The following ANKS1B variants were observed in gnomAD, a reference collection of about 807,000 sequenced individuals.
ANKS1B encodes the protein ankyrin repeat and sterile alpha motif domain containing 1B, also known as ankyrin repeat and sterile alpha motif domain-containing protein 1B.
ANKS1B carries 36 observed loss-of-function variants against 148.3 expected under a neutral mutation model. The observed-to-expected ratio is 0.24, with a 90% CI of 0.19 to 0.32. The LOEUF (loss-of-function observed/expected upper bound fraction) is 0.32. Ranked by LOEUF, ANKS1B falls within the 10% of genes least tolerant of loss-of-function variation. The pLI, the probability that ANKS1B is intolerant of heterozygous loss-of-function variation, is 1.00. For missense variants in ANKS1B, 1,157 were observed against 1,542.6 expected, an observed-to-expected ratio of 0.75 and a Z score of 4.19; for synonymous variants, 542 against 560.8, an observed-to-expected ratio of 0.97 and a Z score of 0.47.
At chr12:99,857,640 T>G (rs2153713458) in intron 1 of ANKS1B, among the ~76,000 whole-genome samples, 1 of 152,108 alleles carries the variant, frequency 6.6e-6, no homozygotes, top group South Asian at 2.1e-4. Context: ...CAAACTATAC[T>G]AAAAGGCAAT....
intron 1 of ANKS1B, among the ~76,000 whole-genome samples, chr12:99,919,212 G>A (rs2094271299): frequency 6.6e-6 from 1 of 152,116 alleles, no homozygotes; most frequent in South Asian, 2.1e-4. Flanking sequence ...GAATTCTGGA[G>A]TCAGACAATC....
chr12:99,004,187 C>A (rs1422735093), intron 17 of ANKS1B, among the ~76,000 whole-genome samples: 1 of 152,134 alleles, frequency 6.6e-6, no homozygotes, highest in Non-Finnish European at 1.5e-5. Flanking sequence ...GAACAAATGA[C>A]CTCCCAGCTG....
chr12:99,617,581 T>C (rs2097984115), intron 9 of ANKS1B, among the ~76,000 whole-genome samples: 1 of 151,952 alleles, frequency 6.6e-6, no homozygotes. Flanking sequence ...AAATGGGAGT[T>C]GAACAATGAG....
intron 11 of ANKS1B, among the ~76,000 whole-genome samples, chr12:99,415,166 C>A (rs2094856327): frequency 6.6e-6 from 1 of 152,134 alleles, no homozygotes; most frequent in African/African-American, 2.4e-5. Context: ...GAAGCTTTCC[C>A]AGCATGAAAA....
chr12:99,750,577 T>C (rs2153594192), intron 8 of ANKS1B, among the ~76,000 whole-genome samples: 1 of 152,202 alleles, frequency 6.6e-6, no homozygotes, highest in African/African-American at 2.4e-5. Context: ...AGCTAAACCA[T>C]ATTTCCTAGT....
At chr12:99,651,479 ATCTTTATAT>A (rs2098419063) in intron 9 of ANKS1B, among the ~76,000 whole-genome samples, 1 of 152,286 alleles carries the variant, frequency 6.6e-6, no homozygotes, top group South Asian at 2.1e-4. Flanking sequence ...GACCAACTTT[ATCTTTATAT>A]TCAAGGACTG....
At chr12:99,719,845 T>C (rs2057882863) in intron 8 of ANKS1B, among the ~76,000 whole-genome samples, 1 of 152,140 alleles carries the variant, frequency 6.6e-6, no homozygotes, top group Admixed American at 6.5e-5. Context: ...AGGACAATGC[T>C]CATACTGATA....
intron 9 of ANKS1B, among the ~76,000 whole-genome samples, chr12:99,569,794 C>T (rs115409931): frequency 0.014 from 2,068 of 152,282 alleles, 55 homozygotes; most frequent in African/African-American, 0.047. Context: ...TTGGCAGAGG[C>T]CTCTGTTGAG....
rs141403053 is a variant in ANKS1B, at chr12:99,815,833, T to C, written c.216-3522A>G. On this transcript the variant is annotated intron_variant, in intron 2 of 26. Transcript: ENST00000683438. ...ACAAAAGACATTATTTCCTTCTTTT[T>C]ATGGCTGAGTAGTATTCCATGGTGT... is the stretch of plus-strand genomic sequence containing the variant. 2.2e-3 allele frequency among the ~76,000 whole-genome samples: 330 copies of C among 152,006 alleles called. 1 individual carries two copies. Among genetic ancestry groups the C allele is most frequent in the African/African-American group, 7.7e-3 (319 of 41,532 alleles).
intron 15 of ANKS1B, among the ~76,000 whole-genome samples, chr12:99,147,625 C>T (rs760912420): frequency 5.3e-5 from 8 of 152,124 alleles, no homozygotes; most frequent in Non-Finnish European, 1.2e-4. Flanking sequence ...GTGCTAAACG[C>T]TCTTTGCATT....
At chr12:99,225,830 C>T (rs566342589) in intron 14 of ANKS1B, among the ~76,000 whole-genome samples, 3 of 152,290 alleles carry the variant, frequency 2.0e-5, no homozygotes, top group East Asian at 1.9e-4. Flanking sequence ...CTGGCTTCCT[C>T]GCTTCTCAGC....
intron 17 of ANKS1B, among the ~76,000 whole-genome samples, chr12:99,037,070 G>A (rs191573923): frequency 3.8e-3 from 584 of 152,252 alleles, no homozygotes; most frequent in Non-Finnish European, 6.3e-3. Context: ...TGTTTTTGTC[G>A]TTAGACTAGG....
chr12:99,259,779 TCCTCTGTTAC>T (rs1005308936), intron 12 of ANKS1B, among the ~76,000 whole-genome samples: 4 of 146,688 alleles, frequency 2.7e-5, no homozygotes, highest in African/African-American at 9.7e-5. Flanking sequence ...CACACGTCTT[TCCTCTGTTAC>T]CCTCAACCAC....
chr12:99,496,297 G>A (rs1390542531), intron 10 of ANKS1B, among the ~76,000 whole-genome samples: 1 of 152,098 alleles, frequency 6.6e-6, no homozygotes, highest in Non-Finnish European at 1.5e-5. Flanking sequence ...TATATTTGAT[G>A]ACACCTGGCT....
chr12:98,899,534 A>G (rs547640484), intron 17 of ANKS1B, among the ~76,000 whole-genome samples: 1 of 152,342 alleles, frequency 6.6e-6, no homozygotes, highest in African/African-American at 2.4e-5. Context: ...CAACTAGTTG[A>G]AAGTCCTTAA....
chr12:99,678,026 G>A (rs539683694), intron 8 of ANKS1B, among the ~76,000 whole-genome samples: 10 of 152,046 alleles, frequency 6.6e-5, no homozygotes, highest in Non-Finnish European at 1.5e-4. Context: ...CTCTGTCTTG[G>A]CAAAAATTGC....
intron 8 of ANKS1B, among the ~76,000 whole-genome samples, chr12:99,660,746 T>C (rs1045853759): frequency 2.0e-5 from 3 of 152,192 alleles, no homozygotes; most frequent in African/African-American, 7.2e-5. Flanking sequence ...AATGTGATCA[T>C]GTTTTCCTCT....
chr12:99,127,942 C>A (rs1162379637), intron 15 of ANKS1B, among the ~76,000 whole-genome samples: 1 of 152,180 alleles, frequency 6.6e-6, no homozygotes, highest in Non-Finnish European at 1.5e-5. Flanking sequence ...ATAAAAGACA[C>A]AATGTGCAAA....
At chr12:99,341,592 G>A (rs1039811401) in intron 12 of ANKS1B, among the ~76,000 whole-genome samples, 61 of 152,088 alleles carry the variant, frequency 4.0e-4, no homozygotes, top group Non-Finnish European at 1.0e-4. Flanking sequence ...CAATAGAAAT[G>A]TAGCTTCAAG....
Sources: allele counts gnomAD v4.1 joint callset (sites outside exome capture counted in the v4.1 genomes callset), GRCh38; gene constraint gnomAD v4.1.1; transcripts MANE v1.5; gene names NCBI Gene and HGNC (gene_info 2026-07-23, HGNC 2026-07-21).